Variants in ZCCHC14 observed in about 807,000 individuals in gnomAD.
The protein encoded by ZCCHC14 is zinc finger CCHC domain-containing protein 14.
ZCCHC14 carries 16 observed loss-of-function variants against 85.0 expected under a neutral mutation model. The observed-to-expected ratio is 0.19, with a 90% CI of 0.13 to 0.29. ZCCHC14 has a LOEUF of 0.29. Among genes scored for constraint, ZCCHC14 ranks in the 10% least tolerant of loss-of-function variants. ZCCHC14 has a pLI of 1.00. For missense variants in ZCCHC14, 1,303 were observed against 1,443.5 expected (o/e 0.90, Z 1.58); for synonymous variants, 775 against 630.7 (o/e 1.23, Z -3.43).
intron 1 of ZCCHC14, among the ~76,000 whole-genome samples, chr16:87,486,116 T>A (rs1912504092): frequency 6.6e-6 from 1 of 152,154 alleles, no homozygotes; most frequent in Non-Finnish European, 1.5e-5. Context: ...CTTCATTTAA[T>A]GTGAGGGCAA....
chr16:87,426,669 G>A (rs1909387528), intron 3 of ZCCHC14, among the ~76,000 whole-genome samples: 1 of 152,174 alleles, frequency 6.6e-6, no homozygotes, highest in Admixed American at 6.5e-5. Context: ...GCAGGGCTCA[G>A]CCACACCCCT....
At chr16:87,490,357 G>A (rs111236503) in intron 1 of ZCCHC14, among the ~76,000 whole-genome samples, 1 of 152,258 alleles carries the variant, frequency 6.6e-6, no homozygotes, top group Non-Finnish European at 1.5e-5. Context: ...AAGAGACACT[G>A]AGCAAGACTT....
At chr16:87,434,295 C>G (rs1909805800) in intron 2 of ZCCHC14, among the ~76,000 whole-genome samples, 1 of 152,254 alleles carries the variant, frequency 6.6e-6, no homozygotes, top group African/African-American at 2.4e-5. Flanking sequence ...TCAGCCTCAT[C>G]AAGGCAGGCC....
At chr16:87,458,064 G>A (rs1235647939) in intron 2 of ZCCHC14, among the ~76,000 whole-genome samples, 1 of 149,030 alleles carries the variant, frequency 6.7e-6, no homozygotes, top group Admixed American at 6.7e-5. Context: ...ATGCAGACGA[G>A]ACAATGACAG....
chr16:87,416,422 C>G (rs1342811947), intron 8 of ZCCHC14, among the ~76,000 whole-genome samples: 1 of 152,138 alleles, frequency 6.6e-6, no homozygotes, highest in East Asian at 1.9e-4. Context: ...ACATTTAAAA[C>G]TAATTATGAA....
chr16:87,419,440 G>A (rs1352177871), intron 6 of ZCCHC14, among the ~76,000 whole-genome samples: 8 of 152,208 alleles, frequency 5.3e-5, no homozygotes, highest in African/African-American at 1.7e-4. Context: ...AGCGGGGACT[G>A]CAGGCATGCA....
intron 1 of ZCCHC14, among the ~76,000 whole-genome samples, chr16:87,462,120 TAAA>T (rs11431342): frequency 7.2e-5 from 10 of 139,560 alleles, no homozygotes; most frequent in African/African-American, 2.6e-4. Flanking sequence ...TCTAAAAAAG[TAAA>T]AAAAAAAAAA....
chr16:87,460,579 A>C (rs1911210510), intron 1 of ZCCHC14, among the ~76,000 whole-genome samples: 1 of 152,010 alleles, frequency 6.6e-6, no homozygotes, highest in Non-Finnish European at 1.5e-5. Flanking sequence ...AGTCCCAGCT[A>C]CTCGGGAGGC....
At position 87,417,448 on chromosome 16, in the gene ZCCHC14, A is replaced by G; in HGVS notation, c.1383+12T>C. 6.2e-7 allele frequency: 1 copy of G among 1,610,992 alleles called. No individual in the cohort carries two copies. Among genetic ancestry groups the G allele is most frequent in the Non-Finnish European group, 8.5e-7 (1 of 1,177,420 alleles). On this transcript the variant is annotated intron_variant, in intron 8 of 12. Coordinates refer to ENST00000671377, the MANE Select transcript of ZCCHC14 (RefSeq NM_015144.3). ...TAGCAATTCTGTACGGCCAGCCAGA[A>G]AACCGACATACCTTCTCCATGGAGA...
intron 2 of ZCCHC14, among the ~76,000 whole-genome samples, chr16:87,441,239 G>A (rs1356840114): frequency 1.2e-4 from 18 of 152,122 alleles, no homozygotes; most frequent in Non-Finnish European, 1.5e-4. Context: ...TGATCCGCCC[G>A]CCTCGGCCTC....
chr16:87,449,699 A>AAAATC (rs1191438366), intron 2 of ZCCHC14, among the ~76,000 whole-genome samples: 2 of 152,240 alleles, frequency 1.3e-5, no homozygotes, highest in African/African-American at 2.4e-5. Context: ...TTATGCTTAA[A>AAAATC]AAATCACAGT....
intron 2 of ZCCHC14, among the ~76,000 whole-genome samples, chr16:87,442,950 T>A (rs1386389316): frequency 6.6e-6 from 1 of 152,214 alleles, no homozygotes; most frequent in South Asian, 2.1e-4. Flanking sequence ...CTGAGAGGAC[T>A]GTTTGTCAGC....
rs992415018 is a variant in ZCCHC14, at chr16:87,420,964, G to A, written c.841-248C>T. On this transcript the variant is annotated intron_variant, in intron 4 of 12. Transcript: ENST00000671377. This position sits in a 1 kb window ranked among gnomAD's most constrained non-coding sequence, Gnocchi z 5.0. ...AATCTGCACAATCACAATGTTCCTT[G>A]AGCCCATCTGAGAGTTGCTGGGCCA... Among the ~76,000 whole-genome samples the A allele has an allele frequency of 6.6e-6, 1 of 152,218 alleles. No homozygotes were observed. Among genetic ancestry groups the A allele is most frequent in the Non-Finnish European group, 1.5e-5 (1 of 68,034 alleles).
intron 1 of ZCCHC14, among the ~76,000 whole-genome samples, chr16:87,460,975 C>T (rs1283633770): frequency 6.6e-6 from 1 of 152,234 alleles, no homozygotes; most frequent in African/African-American, 2.4e-5. Context: ...ACCAAGTACT[C>T]ACACGTGAGA....
At chr16:87,487,600 G>GC (rs1912566603) in intron 1 of ZCCHC14, among the ~76,000 whole-genome samples, 1 of 152,258 alleles carries the variant, frequency 6.6e-6, no homozygotes, top group African/African-American at 2.4e-5. Context: ...CCTCAGGACA[G>GC]CCCCGCACCG....
chr16:87,431,802 G>C (rs1278807738), intron 3 of ZCCHC14, among the ~76,000 whole-genome samples: 1 of 152,160 alleles, frequency 6.6e-6, no homozygotes, highest in African/African-American at 2.4e-5. Flanking sequence ...GGATCACTGG[G>C]ACCGCTGCTG....
At chr16:87,425,102 G>A (rs1031851808) in intron 3 of ZCCHC14, among the ~76,000 whole-genome samples, 32 of 151,968 alleles carry the variant, frequency 2.1e-4, no homozygotes, top group African/African-American at 4.8e-5. Context: ...ATCACGTAGC[G>A]TCACTCCTGG....
chr16:87,429,616 T>C (rs1409874540), intron 3 of ZCCHC14, among the ~76,000 whole-genome samples: 1 of 152,042 alleles, frequency 6.6e-6, no homozygotes, highest in Non-Finnish European at 1.5e-5. Flanking sequence ...CACTATCTCT[T>C]TTTTTTTCCC....
In ZCCHC14 at chr16:87,428,668, G is replaced by A. The variant is rs191261698; in HGVS notation, c.768+4460C>T. 7.5e-4 allele frequency among the ~76,000 whole-genome samples: 115 copies of A among 152,324 alleles called. 2 individuals are homozygous for A. The highest frequency in any genetic ancestry group is 6.8e-3 in the Middle Eastern group (2 of 294). ...GAGCCATGCCCCACCATGGCAGGGA[G>A]CATCACCCCTGAGGTGTCCTCCAGC... On this transcript the variant is annotated intron_variant, in intron 3 of 12. Transcript: ENST00000671377.
Sources: gnomAD v4.1 joint callset for allele counts (sites outside exome capture counted in the v4.1 genomes callset) on GRCh38, gnomAD v4.1.1 for gene constraint, Gnocchi (gnomAD v3.1) non-coding constraint, MANE v1.5 for transcripts, NCBI Gene and HGNC (gene_info 2026-07-23, HGNC 2026-07-21) for gene names.